ABCA5: variants seen among roughly 807,000 people sequenced by gnomAD.
The protein encoded by ABCA5 is ATP binding cassette subfamily A member 5, also known as cholesterol transporter ABCA5.
Under a neutral mutation model 206.0 loss-of-function variants are expected in ABCA5, and 163 were observed. That is an observed-to-expected ratio of 0.79 (90% CI 0.70 to 0.90). The LOEUF (loss-of-function observed/expected upper bound fraction) is 0.90. Among genes scored for constraint, ABCA5 ranks in the 40% least tolerant of loss-of-function variants. The probability of loss-of-function intolerance (pLI) is 0.00; values close to 1 mark genes in which losing one functional copy is unlikely to be tolerated. For missense variants in ABCA5, 1,859 were observed against 1,912.9 expected (o/e 0.97, Z 0.53); for synonymous variants, 609 against 613.8 (o/e 0.99, Z 0.11).
At chr17:69,315,381 A>AC (rs1160922075) in intron 1 of ABCA5, 1 of 152,232 alleles carries the variant, frequency 6.6e-6, no homozygotes, top group Non-Finnish European at 1.5e-5. Flanking sequence ...TATGACCTGA[A>AC]CCTAACCTGG....
chr17:69,297,439 C>G (rs568536), intron 9 of ABCA5, 80 bp from the exon 10 acceptor site: 444,720 of 1,327,738 alleles, frequency 0.33, 77,546 homozygotes, highest in East Asian at 0.6. Context: ...CATATGACAA[C>G]CTGCATCTAA....
intron 1 of ABCA5, among the ~76,000 whole-genome samples, chr17:69,324,192 G>A (rs1377112531): frequency 3.3e-5 from 5 of 151,618 alleles, no homozygotes; most frequent in Non-Finnish European, 2.9e-5. Flanking sequence ...AACATTATGA[G>A]GCAAAAAAAA....
At chr17:69,281,405 C>T (rs1233083032) in intron 18 of ABCA5, among the ~76,000 whole-genome samples, 1 of 151,894 alleles carries the variant, frequency 6.6e-6, no homozygotes, top group Admixed American at 6.5e-5. Context: ...TATTTAATTC[C>T]ATTAAGGCCA....
At chr17:69,261,048 T>C in intron 26 of ABCA5, 77 bp downstream of exon 26, 1 of 1,273,558 alleles carries the variant, frequency 7.9e-7, no homozygotes, top group Non-Finnish European at 1.1e-6. Flanking sequence ...CTGTTTTCTA[T>C]ACAAGAACTA....
At chr17:69,280,413 G>T (rs1213269535) in intron 18 of ABCA5, among the ~76,000 whole-genome samples, 1 of 150,096 alleles carries the variant, frequency 6.7e-6, no homozygotes, top group Non-Finnish European at 1.5e-5. Context: ...TGGAGAAACA[G>T]GAACACTTTT....
intron 28 of ABCA5, among the ~76,000 whole-genome samples, chr17:69,257,090 C>T (rs1354082121): frequency 6.6e-6 from 1 of 151,992 alleles, no homozygotes; most frequent in African/African-American, 2.4e-5. Flanking sequence ...TGTGGCCAGG[C>T]GCAGTGGCTC....
intron 23 of ABCA5, among the ~76,000 whole-genome samples, chr17:69,266,579 T>C (rs918478399): frequency 8.1e-4 from 119 of 146,968 alleles, no homozygotes; most frequent in African/African-American, 2.9e-3. Context: ...AAAATATATA[T>C]ATATATAAAT....
At position 69,302,862 on chromosome 17, in the gene ABCA5, T is replaced by C. The variant is rs1210696545; in HGVS notation, c.975A>G (p.Lys325=). ...LMLTPLFKKS[K]HVGIVEFFVT... ...CAAAAAATTCAACTATTCCCACATG[T>C]TTTGATTTTTTAAAAAGAGGTGTCA... The change falls in exon 8 of 39, where the codon AAA becomes AAG. Residue 325 remains lysine (K), a synonymous_variant. Transcript: ENST00000392676. The C allele has an allele frequency of 1.3e-6, 2 of 1,570,620 alleles. No homozygotes were observed. The highest frequency in any genetic ancestry group is 1.7e-6 in the Non-Finnish European group (2 of 1,164,854).
intron 3 of ABCA5, among the ~76,000 whole-genome samples, chr17:69,311,958 C>T (rs2075775108): frequency 1.3e-5 from 2 of 152,040 alleles, no homozygotes; most frequent in Admixed American, 1.3e-4. Flanking sequence ...TGTATTTAAT[C>T]AAAATATTAA....
At chr17:69,306,624 C>T (rs553780848) in intron 6 of ABCA5, 101 bp downstream of exon 6, 10 of 521,280 alleles carry the variant, frequency 1.9e-5, no homozygotes, top group African/African-American at 1.4e-4. Context: ...ACAGGATAAG[C>T]ACATCATCAA....
chr17:69,281,388 T>C, intron 18 of ABCA5, among the ~76,000 whole-genome samples: 1 of 152,256 alleles, frequency 6.6e-6, no homozygotes, highest in African/African-American at 2.4e-5. Context: ...TTGCTTCTTT[T>C]TTTAGTTATT....
chr17:69,264,344 T>C (rs2075184229), intron 24 of ABCA5, among the ~76,000 whole-genome samples: 1 of 152,188 alleles, frequency 6.6e-6, no homozygotes, highest in African/African-American at 2.4e-5. Flanking sequence ...AGCCTGCCCA[T>C]TATTGAGATA....
intron 3 of ABCA5, among the ~76,000 whole-genome samples, chr17:69,310,717 G>C (rs986468229): frequency 6.6e-6 from 1 of 151,886 alleles, no homozygotes; most frequent in Non-Finnish European, 1.5e-5. Flanking sequence ...CACTACAGAA[G>C]CTTCAAACAT....
At chr17:69,305,821 T>C (rs764163729) in intron 6 of ABCA5, among the ~76,000 whole-genome samples, 3 of 152,112 alleles carry the variant, frequency 2.0e-5, no homozygotes, top group Admixed American at 6.6e-5. Flanking sequence ...CAGTGACCCA[T>C]GATCATGCCA....
intron 1 of ABCA5, 132 bp from the exon 2 acceptor site, chr17:69,314,562 T>G: frequency 3.4e-6 from 2 of 585,344 alleles, no homozygotes; most frequent in Non-Finnish European, 6.0e-6. Context: ...CTGTCTCTCT[T>G]AGGAAACTGG....
chr17:69,290,956 A>C (rs2075519245), intron 12 of ABCA5, among the ~76,000 whole-genome samples: 1 of 152,160 alleles, frequency 6.6e-6, no homozygotes, highest in South Asian at 2.1e-4. Context: ...CTCCCTTGAA[A>C]ATGATGAATA....
chr17:69,293,966 G>T (rs1466248873), intron 11 of ABCA5, among the ~76,000 whole-genome samples: 1 of 151,586 alleles, frequency 6.6e-6, no homozygotes, highest in African/African-American at 2.4e-5. Context: ...TTAAAGAACA[G>T]TTCTTCACAA....
At chr17:69,286,332 T>C in intron 15 of ABCA5, 21 bp from the exon 16 acceptor site, 1 of 1,574,132 alleles carries the variant, frequency 6.4e-7, no homozygotes, top group Non-Finnish European at 8.6e-7. Context: ...ATATTTACAT[T>C]TCAATTTCTA....
intron 21 of ABCA5, 86 bp downstream of exon 21, chr17:69,271,076 C>T (rs2075268103): frequency 8.8e-6 from 13 of 1,469,630 alleles, no homozygotes; most frequent in Non-Finnish European, 1.2e-5. Context: ...CTCATAAGGT[C>T]AAATCAACAA....
Sources: gnomAD v4.1 joint callset for allele counts (sites outside exome capture counted in the v4.1 genomes callset) on GRCh38, gnomAD v4.1.1 for gene constraint, MANE v1.5 for transcripts, NCBI Gene and HGNC (gene_info 2026-07-23, HGNC 2026-07-21) for gene names.